The following KCNH5 variants were observed in gnomAD, a reference collection of about 807,000 sequenced individuals.
KCNH5 encodes the protein voltage-gated delayed rectifier potassium channel KCNH5.
In KCNH5, 46 loss-of-function variants were observed where a neutral mutation model predicts 96.1. The ratio of observed to expected loss-of-function variants is 0.48; its 90% CI spans 0.38 to 0.61. KCNH5 has a LOEUF of 0.61. Ranked by LOEUF, KCNH5 falls within the 20% of genes least tolerant of loss-of-function variation. The probability of loss-of-function intolerance (pLI) is 0.00; values close to 1 mark genes in which losing one functional copy is unlikely to be tolerated. For missense variants in KCNH5, 907 were observed against 1,225.8 expected (o/e 0.74, Z 3.88); for synonymous variants, 439 against 449.8 (o/e 0.98, Z 0.30).
intron 10 of KCNH5, among the ~76,000 whole-genome samples, chr14:62,771,355 G>A (rs560658948): frequency 9.4e-4 from 143 of 152,264 alleles, no homozygotes; most frequent in African/African-American, 2.4e-3. Flanking sequence ...GGCCAGGCGC[G>A]GTGGCTCACA....
intron 7 of KCNH5, among the ~76,000 whole-genome samples, chr14:62,901,731 T>G (rs542189217): frequency 2.5e-4 from 38 of 152,354 alleles, no homozygotes; most frequent in Non-Finnish European, 2.9e-5. Flanking sequence ...GGATTTCTTT[T>G]GAAAATATAC....
At chr14:62,985,706 T>C (rs1185767210) in intron 5 of KCNH5, among the ~76,000 whole-genome samples, 1 of 152,174 alleles carries the variant, frequency 6.6e-6, no homozygotes, top group African/African-American at 2.4e-5. Flanking sequence ...TAACATCGTC[T>C]AGTCACATGA....
At chr14:63,033,861 C>T (rs976775605) in intron 1 of KCNH5, among the ~76,000 whole-genome samples, 9 of 151,942 alleles carry the variant, frequency 5.9e-5, no homozygotes, top group East Asian at 1.9e-4. Flanking sequence ...GATATTCCCC[C>T]GCTTTGAATG....
In KCNH5 at chr14:62,728,344, A is replaced by T. The variant is rs183169048; in HGVS notation, c.2020-19889T>A. Reference sequence around the variant, plus strand: ...AGAGGTTGCAGTGAGCCAAGATCACACCACTGCACTCCAGCCTGGGAGACA... The same window carrying T: ...AGAGGTTGCAGTGAGCCAAGATCACTCCACTGCACTCCAGCCTGGGAGACA... On this transcript the variant is annotated intron_variant, in intron 10 of 10. Coordinates refer to ENST00000322893, the MANE Select transcript of KCNH5 (RefSeq NM_139318.5). 2.0e-5 allele frequency among the ~76,000 whole-genome samples: 3 copies of T among 150,562 alleles called. No individual in the cohort carries two copies. The Admixed American group carries it at 2.0e-4, about 10-fold the overall frequency.
At chr14:62,869,992 C>G (rs1418608884) in intron 7 of KCNH5, among the ~76,000 whole-genome samples, 3 of 152,152 alleles carry the variant, frequency 2.0e-5, no homozygotes, top group Non-Finnish European at 4.4e-5. Flanking sequence ...CTTTTAATGG[C>G]AAAACCATGA....
intron 9 of KCNH5, among the ~76,000 whole-genome samples, chr14:62,793,250 A>T (rs1343113112): frequency 2.0e-5 from 3 of 151,820 alleles, no homozygotes; most frequent in Admixed American, 1.3e-4. Flanking sequence ...ACTTCACAAC[A>T]CAGTACTGTG....
intron 1 of KCNH5, among the ~76,000 whole-genome samples, chr14:63,034,268 T>C (rs1314857316): frequency 6.6e-6 from 1 of 152,222 alleles, no homozygotes; most frequent in Non-Finnish European, 1.5e-5. Context: ...TATAGATCTA[T>C]TTAAGTTTCA....
At chr14:62,953,129 AG>A (rs1890038394) in intron 6 of KCNH5, among the ~76,000 whole-genome samples, 1 of 151,616 alleles carries the variant, frequency 6.6e-6, no homozygotes, top group African/African-American at 2.4e-5. Context: ...ACAAAATATT[AG>A]TAAATATACA....
chr14:62,857,978 G>A (rs935867882), intron 7 of KCNH5, among the ~76,000 whole-genome samples: 3 of 151,652 alleles, frequency 2.0e-5, no homozygotes, highest in African/African-American at 7.3e-5. Flanking sequence ...ACTATCCTTT[G>A]TACAACCAGA....
chr14:62,712,304 G>T, intron 10 of KCNH5: 1 of 199,320 alleles, frequency 5.0e-6, no homozygotes, highest in Admixed American at 5.4e-5. Context: ...CAAAATAATG[G>T]CATTGTAAAA....
chr14:62,976,855 G>C (rs904930400), intron 6 of KCNH5, among the ~76,000 whole-genome samples: 23 of 152,144 alleles, frequency 1.5e-4, no homozygotes, highest in African/African-American at 5.1e-4. Flanking sequence ...AGAGAGGTTT[G>C]TTTAAGAAAA....
rs929730323 is a variant in KCNH5, at chr14:62,808,277, A to T, written c.1570-5696T>A. 1.5e-4 allele frequency among the ~76,000 whole-genome samples: 23 copies of T among 152,242 alleles called. No homozygotes were observed. In the East Asian group the frequency reaches 4.3e-3, roughly 28 times the overall value. On this transcript the variant is annotated intron_variant, in intron 8 of 10. Coordinates refer to ENST00000322893, the MANE Select transcript of KCNH5 (RefSeq NM_139318.5). ...TAAGTTAGATAGAATAAAGCTAAAG[A>T]TTTAAACAGGTTGTGGAAGGTTTAT... is the stretch of plus-strand genomic sequence containing the variant.
In KCNH5 at chr14:62,703,588, A is replaced by C. The variant is rs887906004; in HGVS notation, c.*3920T>G. 1.3e-5 allele frequency: 2 copies of C among 151,878 alleles called. No homozygotes were observed. The highest frequency in any genetic ancestry group is 6.6e-5 in the Admixed American group (1 of 15,240). The allele number at this position is 151,878 out of a possible 1,614,324, so 9.4% of individuals were successfully genotyped here. A position where few individuals can be genotyped will look rare whatever the true frequency, so the allele number is the denominator to read the frequency against. Reference sequence around the variant, plus strand: ...ACACTTCTAGTTTGTGGTAAAGCTAAATTCAGAACACAAGACAAAGCTCAG... The same window carrying C: ...ACACTTCTAGTTTGTGGTAAAGCTACATTCAGAACACAAGACAAAGCTCAG... On this transcript the variant is annotated 3_prime_UTR_variant, in exon 11 of 11. Transcript: ENST00000322893.
At chr14:62,770,065 C>T (rs532465041) in intron 10 of KCNH5, among the ~76,000 whole-genome samples, 1 of 152,044 alleles carries the variant, frequency 6.6e-6, no homozygotes, top group Non-Finnish European at 1.5e-5. Flanking sequence ...ACGGGCTCTA[C>T]TATTTTGTTT....
intron 7 of KCNH5, among the ~76,000 whole-genome samples, chr14:62,859,335 T>A (rs1265692632): frequency 6.6e-6 from 1 of 152,136 alleles, no homozygotes; most frequent in African/African-American, 2.4e-5. Flanking sequence ...GCTGAGCCCA[T>A]GCATAACCTC....
intron 9 of KCNH5, among the ~76,000 whole-genome samples, chr14:62,783,915 A>G (rs1435330514): frequency 6.6e-6 from 1 of 151,070 alleles, no homozygotes; most frequent in African/African-American, 2.5e-5. Flanking sequence ...AAGAATTGTC[A>G]ATTAAGAAAT....
intron 7 of KCNH5, among the ~76,000 whole-genome samples, chr14:62,910,810 T>C (rs926586043): frequency 6.6e-6 from 1 of 151,988 alleles, no homozygotes; most frequent in Non-Finnish European, 1.5e-5. Flanking sequence ...TTTCTCAAGA[T>C]GTTCACATGG....
intron 7 of KCNH5, among the ~76,000 whole-genome samples, chr14:62,858,348 T>G (rs945412860): frequency 2.0e-5 from 3 of 152,198 alleles, no homozygotes; most frequent in Non-Finnish European, 4.4e-5. Context: ...TGGATTGGGT[T>G]GTTGTAGTTT....
At chr14:62,895,824 A>G (rs544515727) in intron 7 of KCNH5, among the ~76,000 whole-genome samples, 1 of 152,326 alleles carries the variant, frequency 6.6e-6, no homozygotes, top group African/African-American at 2.4e-5. Context: ...AAGGTTCATC[A>G]GCATTACTTA....
Sources: allele counts gnomAD v4.1 joint callset (sites outside exome capture counted in the v4.1 genomes callset), GRCh38; gene constraint gnomAD v4.1.1; transcripts MANE v1.5; gene names NCBI Gene and HGNC (gene_info 2026-07-23, HGNC 2026-07-21).